The following DST variants were observed in gnomAD, a reference collection of about 807,000 sequenced individuals.
DST encodes the protein dystonin, also known as bullous pemphigoid antigen.
DST carries 253 observed loss-of-function variants against 875.2 expected under a neutral mutation model. That is an observed-to-expected ratio of 0.29 (90% CI 0.26 to 0.32). The LOEUF is 0.32. DST is among the 10% of genes least tolerant of loss of function. The probability of loss-of-function intolerance (pLI) is 1.00; values close to 1 mark genes in which losing one functional copy is unlikely to be tolerated. For missense variants in DST, 8,287 were observed against 9,111.6 expected (o/e 0.91, Z 3.68); for synonymous variants, 3,124 against 3,197.1 (o/e 0.98, Z 0.77).
At chr6:56,924,677 GT>G (rs796988421) in intron 2 of DST, among the ~76,000 whole-genome samples, 7 of 151,176 alleles carry the variant, frequency 4.6e-5, no homozygotes, top group South Asian at 2.1e-4. Context: ...AAGAGAGCTA[GT>G]TTTTTTTTGG....
chr6:56,928,194 A>G (rs1808221709), intron 2 of DST, among the ~76,000 whole-genome samples: 1 of 147,444 alleles, frequency 6.8e-6, no homozygotes, highest in Non-Finnish European at 1.5e-5. Context: ...GAGGTGAGAT[A>G]CCCCTACTGG....
chr6:56,786,473 T>G (rs1360563454), intron 4 of DST, among the ~76,000 whole-genome samples: 3 of 152,252 alleles, frequency 2.0e-5, no homozygotes, highest in Admixed American at 6.5e-5. Context: ...CCATAGTTGC[T>G]GATTACTTCC....
chr6:56,723,159 G>T (rs2099428952), intron 5 of DST, among the ~76,000 whole-genome samples: 1 of 152,200 alleles, frequency 6.6e-6, no homozygotes, highest in Admixed American at 6.5e-5. Context: ...AAGATAAGTA[G>T]GTGGAAGTTA....
At chr6:56,778,143 A>G (rs140860256) in intron 4 of DST, among the ~76,000 whole-genome samples, 47 of 152,266 alleles carry the variant, frequency 3.1e-4, no homozygotes, top group African/African-American at 1.1e-3. Flanking sequence ...TGCTTCTACT[A>G]GCATAGTTCT....
intron 71 of DST, 87 bp from the exon 72 acceptor site, chr6:56,515,755 GA>G: frequency 1.0e-6 from 1 of 978,538 alleles, no homozygotes; most frequent in Non-Finnish European, 1.5e-6. Context: ...AGTACACCTG[GA>G]CAGAGTGGGC....
chr6:56,917,626 A>T (rs975053012), intron 2 of DST, among the ~76,000 whole-genome samples: 6 of 152,180 alleles, frequency 3.9e-5, no homozygotes, highest in Non-Finnish European at 8.8e-5. Context: ...AGAGCTATGA[A>T]CTTTTTAACC....
intron 36 of DST, chr6:56,618,034 TTGATACCTAACAGG>T: frequency 6.2e-7 from 1 of 1,614,206 alleles, no homozygotes; most frequent in Non-Finnish European, 8.5e-7. Flanking sequence ...ATGCGTTATC[TTGATACCTAACAGG>T]TGGTCTAGAA....
At chr6:56,485,227 TA>T in intron 88 of DST, 84 bp downstream of exon 88, 4 of 1,479,048 alleles carry the variant, frequency 2.7e-6, no homozygotes, top group Non-Finnish European at 3.8e-6. Flanking sequence ...CTTCTGATTT[TA>T]AAAGGCTAAT....
At chr6:56,469,568 T>C (rs575186462) in intron 97 of DST, among the ~76,000 whole-genome samples, 1 of 152,252 alleles carries the variant, frequency 6.6e-6, no homozygotes, top group East Asian at 1.9e-4. Flanking sequence ...ATCTGAAAAC[T>C]TACCTCTAAT....
At chr6:56,945,209 T>C (rs962621038) in intron 2 of DST, among the ~76,000 whole-genome samples, 1 of 152,240 alleles carries the variant, frequency 6.6e-6, no homozygotes, top group African/African-American at 2.4e-5. Context: ...ATTTGTATTT[T>C]CAAATGATCT....
At chr6:56,778,141 C>T (rs1349360673) in intron 4 of DST, among the ~76,000 whole-genome samples, 1 of 152,082 alleles carries the variant, frequency 6.6e-6, no homozygotes, top group African/African-American at 2.4e-5. Flanking sequence ...AGTGCTTCTA[C>T]TAGCATAGTT....
intron 55 of DST, among the ~76,000 whole-genome samples, chr6:56,567,057 AACTGTGGGAACCAAACACC>A (rs1325376409): frequency 6.6e-6 from 1 of 152,164 alleles, no homozygotes; most frequent in Admixed American, 6.5e-5. Context: ...AATAATACCT[AACTGTGGGAACCAAACACC>A]ACTGTGGGAA....
chr6:56,788,553 C>T (rs181189921), intron 4 of DST, among the ~76,000 whole-genome samples: 4 of 152,182 alleles, frequency 2.6e-5, no homozygotes, highest in Admixed American at 2.0e-4. Context: ...ATGTAAGTAA[C>T]AAAATTGTGT....
chr6:56,796,657 T>C (rs1466109025), intron 4 of DST, among the ~76,000 whole-genome samples: 1 of 152,142 alleles, frequency 6.6e-6, no homozygotes, highest in African/African-American at 2.4e-5. Context: ...ACTGCAGATT[T>C]TCATAATAAG....
At chr6:56,951,671 A>T (rs1158397138) in intron 2 of DST, among the ~76,000 whole-genome samples, 1 of 152,230 alleles carries the variant, frequency 6.6e-6, no homozygotes, top group Non-Finnish European at 1.5e-5. Context: ...TATAAATGGC[A>T]TTCTTTGAGT....
In DST at chr6:56,527,566, T is replaced by G; in HGVS notation, c.17849A>C (p.Glu5950Ala). The change falls in exon 68 of 104, where the codon GAG becomes GCG. Residue 5950 changes from glutamate to alanine, a missense_variant. Physicochemically the swap from Glu to Ala is moderately radical, Grantham distance 107 (BLOSUM62 -1). Around this residue, in one of 10 missense-constraint regions of DST, gnomAD observed 777 missense variants for 764.8 expected, o/e 1.02. Transcript: ENST00000680361. ...AGTTTCATATGAAAGTAATTCCACC[T>G]CCACTTTGTCCAGCCAGGTACACAG... ...EELCTWLDKV[E>A]VELLSYETQV... 1 of 1,613,850 alleles carries G rather than the reference T, an allele frequency of 6.2e-7. No individual in the cohort carries two copies. Among genetic ancestry groups the G allele is most frequent in the African/African-American group, 1.3e-5 (1 of 75,048 alleles).
intron 15 of DST, among the ~76,000 whole-genome samples, chr6:56,643,994 A>G (rs1008737325): frequency 2.0e-5 from 3 of 152,214 alleles, no homozygotes; most frequent in African/African-American, 4.8e-5. Flanking sequence ...GAAGAAACTG[A>G]GGCTTAGACG....
intron 36 of DST, chr6:56,616,674 G>C (rs1355330745): frequency 1.2e-6 from 2 of 1,614,048 alleles, no homozygotes; most frequent in Non-Finnish European, 1.7e-6. Flanking sequence ...GCAATTTCTG[G>C]AGGAACACGA....
intron 9 of DST, among the ~76,000 whole-genome samples, chr6:56,690,628 A>C (rs1216010137): frequency 6.6e-6 from 1 of 152,200 alleles, no homozygotes; most frequent in Non-Finnish European, 1.5e-5. Flanking sequence ...CAGAGCAAAA[A>C]CTGATCACAT....
Sources: allele counts gnomAD v4.1 joint callset (sites outside exome capture counted in the v4.1 genomes callset), GRCh38; gene constraint gnomAD v4.1.1; regional missense constraint gnomAD v4.1.1; transcripts MANE v1.5; gene names NCBI Gene and HGNC (gene_info 2026-07-23, HGNC 2026-07-21).